Variants in TCF12 observed in about 807,000 individuals in gnomAD.
The protein encoded by TCF12 is DNA-binding protein HTF4.
TCF12 carries 45 observed loss-of-function variants against 86.0 expected under a neutral mutation model. The observed-to-expected ratio is 0.52, with a 90% CI of 0.41 to 0.67. TCF12 has a LOEUF of 0.67. TCF12 is among the 30% of genes least tolerant of loss of function. The pLI is 0.00. For missense variants in TCF12, 881 were observed against 859.9 expected, an observed-to-expected ratio of 1.02 and a Z score of -0.31; for synonymous variants, 330 against 299.6, an observed-to-expected ratio of 1.10 and a Z score of -1.05.
rs144408577 is a variant in TCF12 at position 57,224,603 on chromosome 15, A to G, written c.580-6549A>G. 9.1e-4 allele frequency among the ~76,000 whole-genome samples: 138 copies of G among 152,178 alleles called. 5 individuals are homozygous for G. In the East Asian group the frequency reaches 0.026, roughly 29 times the overall value. On this transcript the variant is annotated intron_variant, in intron 8 of 20. Coordinates refer to ENST00000333725, the MANE Select transcript of TCF12 (RefSeq NM_207037.2). Reference sequence around the variant, plus strand: ...ATGCTTTGTATGAAAACTAGAATTCATTTTTCTTACTGTTGTTAGAAAAGA... The same window carrying G: ...ATGCTTTGTATGAAAACTAGAATTCGTTTTTCTTACTGTTGTTAGAAAAGA...
chr15:57,185,977 A>T (rs2056645229), intron 6 of TCF12, among the ~76,000 whole-genome samples: 2 of 152,256 alleles, frequency 1.3e-5, no homozygotes, highest in South Asian at 4.1e-4. Flanking sequence ...AATTACTAAA[A>T]TCACAAATGG....
intron 3 of TCF12, among the ~76,000 whole-genome samples, chr15:57,047,792 A>T (rs193149365): frequency 6.6e-6 from 1 of 152,234 alleles, no homozygotes; most frequent in Admixed American, 6.5e-5. Context: ...GTTTTGAGAA[A>T]TGCCTTGTTA....
chr15:56,966,600 G>A (rs985416228), intron 3 of TCF12, among the ~76,000 whole-genome samples: 46 of 152,246 alleles, frequency 3.0e-4, no homozygotes, highest in African/African-American at 8.7e-4. Flanking sequence ...TTGATTGATT[G>A]CAGTCACTTG....
chr15:57,014,697 A>G (rs1197903797), intron 3 of TCF12, among the ~76,000 whole-genome samples: 1 of 151,994 alleles, frequency 6.6e-6, no homozygotes, highest in African/African-American at 2.4e-5. Context: ...GTCTTAGGGG[A>G]TTAAGAATTA....
At chr15:57,140,626 A>C (rs2052893143) in intron 5 of TCF12, among the ~76,000 whole-genome samples, 1 of 152,260 alleles carries the variant, frequency 6.6e-6, no homozygotes, top group South Asian at 2.1e-4. Context: ...TAATTATTGC[A>C]GATAGCCTTT....
intron 3 of TCF12, among the ~76,000 whole-genome samples, chr15:56,924,593 T>C (rs1169028915): frequency 1.3e-5 from 2 of 152,208 alleles, no homozygotes; most frequent in East Asian, 1.9e-4. Context: ...TATGTACATA[T>C]TAGTGTTGAA....
intron 13 of TCF12, chr15:57,247,359 C>T (rs1474419851): frequency 1.5e-6 from 1 of 657,716 alleles, no homozygotes; most frequent in African/African-American, 1.8e-5. Context: ...CTACCTCTAC[C>T]ACCTCCAAAG....
At chr15:57,106,754 G>T (rs572212065) in intron 5 of TCF12, among the ~76,000 whole-genome samples, 1 of 152,136 alleles carries the variant, frequency 6.6e-6, no homozygotes, top group African/African-American at 2.4e-5. Context: ...TAAGAAATGG[G>T]CAAAAGACCT....
chr15:57,094,446 G>A (rs1567409799), intron 5 of TCF12, among the ~76,000 whole-genome samples: 1 of 152,146 alleles, frequency 6.6e-6, no homozygotes, highest in African/African-American at 2.4e-5. Flanking sequence ...TCACAATGCA[G>A]TTCTATACAG....
At chr15:56,949,203 T>G (rs375117754) in intron 3 of TCF12, among the ~76,000 whole-genome samples, 22 of 152,384 alleles carry the variant, frequency 1.4e-4, no homozygotes, top group African/African-American at 5.3e-4. Flanking sequence ...CTCTGTACGC[T>G]AATTAAGCAC....
At chr15:57,023,266 C>T (rs1455987769) in intron 3 of TCF12, among the ~76,000 whole-genome samples, 1 of 152,100 alleles carries the variant, frequency 6.6e-6, no homozygotes, top group African/African-American at 2.4e-5. Context: ...TTATTGAGCA[C>T]TTGATATGTG....
chr15:57,256,848 G>A (rs1199908643), intron 16 of TCF12, among the ~76,000 whole-genome samples: 1 of 152,136 alleles, frequency 6.6e-6, no homozygotes, highest in African/African-American at 2.4e-5. Flanking sequence ...CCTCCACAGA[G>A]CATTCAGATG....
intron 3 of TCF12, among the ~76,000 whole-genome samples, chr15:57,032,989 G>A (rs62022988): frequency 0.39 from 58,574 of 151,802 alleles, 14,097 homozygotes; most frequent in Non-Finnish European, 0.53. Flanking sequence ...AGAAGTAAAA[G>A]GTAAAGAGGA....
intron 5 of TCF12, among the ~76,000 whole-genome samples, chr15:57,146,764 A>G (rs779698972): frequency 1.3e-5 from 2 of 152,194 alleles, no homozygotes; most frequent in Non-Finnish European, 2.9e-5. Flanking sequence ...TCACAAATCA[A>G]ATGTGCTCTT....
At chr15:56,978,172 A>G (rs2062707357) in intron 3 of TCF12, among the ~76,000 whole-genome samples, 1 of 152,196 alleles carries the variant, frequency 6.6e-6, no homozygotes, top group Admixed American at 6.5e-5. Context: ...TGCAATGATC[A>G]TTTCTACTTT....
intron 3 of TCF12, among the ~76,000 whole-genome samples, chr15:57,017,880 AAAG>A (rs2065245368): frequency 6.6e-6 from 1 of 152,138 alleles, no homozygotes; most frequent in Admixed American, 6.5e-5. Flanking sequence ...CAGTTTTAGA[AAAG>A]AAGGGATTGT....
At chr15:57,224,470 T>C (rs1158416147) in intron 8 of TCF12, among the ~76,000 whole-genome samples, 1 of 152,146 alleles carries the variant, frequency 6.6e-6, no homozygotes, top group Non-Finnish European at 1.5e-5. Context: ...CCAGTAATGT[T>C]AATTTAAGAT....
chr15:57,091,607 C>T (rs1421891635), intron 4 of TCF12, among the ~76,000 whole-genome samples, 182 bp from the exon 5 acceptor site: 1 of 152,048 alleles, frequency 6.6e-6, no homozygotes, highest in Non-Finnish European at 1.5e-5. Context: ...TGTTTTTTGA[C>T]TTAAAATCTT....
At chr15:57,082,124 G>A (rs537388796) in intron 4 of TCF12, among the ~76,000 whole-genome samples, 2 of 152,344 alleles carry the variant, frequency 1.3e-5, no homozygotes, top group South Asian at 4.1e-4. Flanking sequence ...GGCAGGAAGA[G>A]GGAGTGTAAA....
Sources: gnomAD v4.1 joint callset for allele counts (sites outside exome capture counted in the v4.1 genomes callset) on GRCh38, gnomAD v4.1.1 for gene constraint, MANE v1.5 for transcripts, NCBI Gene and HGNC (gene_info 2026-07-23, HGNC 2026-07-21) for gene names.